The following DENND4C variants were observed in gnomAD, a reference collection of about 807,000 sequenced individuals.
DENND4C encodes DENN domain-containing protein 4C.
A neutral mutation model predicts 203.0 loss-of-function variants in DENND4C; 108 were observed. The ratio of observed to expected loss-of-function variants is 0.53; its 90% CI spans 0.46 to 0.62. DENND4C has a LOEUF of 0.62. Among genes scored for constraint, DENND4C ranks in the 20% least tolerant of loss-of-function variants. The probability of loss-of-function intolerance (pLI) is 0.00; values close to 1 mark genes in which losing one functional copy is unlikely to be tolerated. For missense variants in DENND4C, 2,481 were observed against 2,301.2 expected (o/e 1.08, Z -1.60); for synonymous variants, 871 against 792.4 (o/e 1.10, Z -1.67).
At chr9:19,360,590 T>A in intron 29 of DENND4C, 101 bp downstream of exon 29, 1 of 1,454,210 alleles carries the variant, frequency 6.9e-7, no homozygotes, top group South Asian at 1.2e-5. Flanking sequence ...CAAGACAGAT[T>A]TATTTCTCTC....
chr9:19,268,419 G>A (rs1299792656), intron 1 of DENND4C, among the ~76,000 whole-genome samples: 1 of 152,064 alleles, frequency 6.6e-6, no homozygotes, highest in Admixed American at 6.6e-5. Flanking sequence ...ATTTTTGATA[G>A]GTTCATCTTT....
intron 1 of DENND4C, among the ~76,000 whole-genome samples, chr9:19,259,341 A>G (rs1165182911): frequency 6.6e-6 from 1 of 152,078 alleles, no homozygotes; most frequent in African/African-American, 2.4e-5. Context: ...CAAATGAGTA[A>G]GTGAAGTGAA....
intron 10 of DENND4C, among the ~76,000 whole-genome samples, chr9:19,310,235 A>T (rs978852968): frequency 1.6e-4 from 24 of 152,126 alleles, no homozygotes; most frequent in Non-Finnish European, 3.2e-4. Context: ...GTATTTTAAA[A>T]TTTTTTATCT....
chr9:19,333,295 T>C (rs1459728876), intron 17 of DENND4C, among the ~76,000 whole-genome samples: 1 of 152,086 alleles, frequency 6.6e-6, no homozygotes, highest in Non-Finnish European at 1.5e-5. Context: ...AGATTATAAA[T>C]ATGAGCCACT....
intron 12 of DENND4C, among the ~76,000 whole-genome samples, chr9:19,318,902 C>G (rs928178817): frequency 6.6e-6 from 1 of 152,140 alleles, no homozygotes; most frequent in Non-Finnish European, 1.5e-5. Context: ...GGTGCAGTGG[C>G]TTATGCCTGT....
intron 2 of DENND4C, among the ~76,000 whole-genome samples, chr9:19,281,850 T>C (rs1300543989): frequency 1.3e-5 from 2 of 152,206 alleles, no homozygotes; most frequent in Admixed American, 6.5e-5. Context: ...TAATAGATAC[T>C]GTAGGCAACT....
intron 10 of DENND4C, among the ~76,000 whole-genome samples, chr9:19,312,080 A>G (rs1015012314): frequency 2.6e-5 from 4 of 152,120 alleles, no homozygotes; most frequent in Non-Finnish European, 4.4e-5. Flanking sequence ...TGTATTGGGA[A>G]AAAAATCACA....
chr9:19,325,043 T>G (rs2131678311), intron 13 of DENND4C, among the ~76,000 whole-genome samples: 1 of 152,334 alleles, frequency 6.6e-6, no homozygotes, highest in Non-Finnish European at 1.5e-5. Context: ...AAATCTCACT[T>G]TCGTTTTACA....
At chr9:19,270,204 G>A (rs1194451021) in intron 1 of DENND4C, among the ~76,000 whole-genome samples, 2 of 152,154 alleles carry the variant, frequency 1.3e-5, no homozygotes, top group Non-Finnish European at 2.9e-5. Context: ...GGACTGTGCT[G>A]GGTTAGACCT....
chr9:19,324,023 A>G (rs1259098875), intron 12 of DENND4C, among the ~76,000 whole-genome samples: 2 of 152,204 alleles, frequency 1.3e-5, no homozygotes, highest in Non-Finnish European at 2.9e-5. Flanking sequence ...GCACAAGATC[A>G]TTGAAAATAT....
At chr9:19,319,381 C>CATATATATATACATATATACACACAT (rs1842461420) in intron 12 of DENND4C, among the ~76,000 whole-genome samples, 6 of 135,300 alleles carry the variant, frequency 4.4e-5, no homozygotes, top group African/African-American at 1.8e-4. Context: ...TATACACATA[C>CATATATATATACATATATACACACAT]ATATATATAT....
intron 12 of DENND4C, among the ~76,000 whole-genome samples, chr9:19,319,769 A>G (rs1219862725): frequency 6.6e-6 from 1 of 152,148 alleles, no homozygotes. Context: ...ATGTAATACT[A>G]ACTATCTTAA....
chr9:19,252,130 T>G (rs866112035), intron 1 of DENND4C, among the ~76,000 whole-genome samples: 1 of 152,196 alleles, frequency 6.6e-6, no homozygotes. Context: ...TACAGTTCCA[T>G]GTGGCTGGGG....
chr9:19,323,022 A>G (rs963121665), intron 12 of DENND4C, among the ~76,000 whole-genome samples: 1 of 152,094 alleles, frequency 6.6e-6, no homozygotes, highest in Admixed American at 6.6e-5. Context: ...CAAGGAATGA[A>G]GGCTGGGCAT....
chr9:19,362,370 T>A (rs1374011999), intron 30 of DENND4C, among the ~76,000 whole-genome samples: 4 of 152,060 alleles, frequency 2.6e-5, no homozygotes, highest in Non-Finnish European at 5.9e-5. Flanking sequence ...AAGCAAATTG[T>A]GGCACATTCC....
chr9:19,244,317 C>T (rs190216243), intron 1 of DENND4C, among the ~76,000 whole-genome samples: 1 of 152,218 alleles, frequency 6.6e-6, no homozygotes, highest in East Asian at 1.9e-4. Flanking sequence ...AGGCGTGAGC[C>T]TTCTCGCCTG....
At chr9:19,342,921 G>C in intron 22 of DENND4C, 142 bp downstream of exon 22, 1 of 626,410 alleles carries the variant, frequency 1.6e-6, no homozygotes, top group Middle Eastern at 4.8e-4. Flanking sequence ...CTCTAAATCG[G>C]CTAAAGAAAT....
chr9:19,252,886 C>G (rs1000409831), intron 1 of DENND4C, among the ~76,000 whole-genome samples: 2 of 152,156 alleles, frequency 1.3e-5, no homozygotes, highest in Non-Finnish European at 2.9e-5. Context: ...CAGGCACGAG[C>G]CGCCACACCT....
At chr9:19,355,849 T>C (rs1469140735) in intron 26 of DENND4C, among the ~76,000 whole-genome samples, 1 of 152,182 alleles carries the variant, frequency 6.6e-6, no homozygotes, top group Non-Finnish European at 1.5e-5. Flanking sequence ...CTATTATTAT[T>C]ATCTTATCTG....
Sources: allele counts gnomAD v4.1 joint callset (sites outside exome capture counted in the v4.1 genomes callset), GRCh38; gene constraint gnomAD v4.1.1; transcripts MANE v1.5; gene names NCBI Gene and HGNC (gene_info 2026-07-23, HGNC 2026-07-21).